BANP: variants seen among roughly 807,000 people sequenced by gnomAD.
BANP encodes the protein BTG3 associated nuclear protein, also known as protein BANP.
BANP carries 11 observed loss-of-function variants against 68.1 expected under a neutral mutation model. The observed-to-expected ratio is 0.16, with a 90% CI of 0.10 to 0.27. BANP has a LOEUF of 0.27. Among genes scored for constraint, BANP ranks in the 10% least tolerant of loss-of-function variants. The pLI, the probability that BANP is intolerant of heterozygous loss-of-function variation, is 1.00. For missense variants in BANP, 504 were observed against 722.7 expected, an observed-to-expected ratio of 0.70 and a Z score of 3.47; for synonymous variants, 329 against 303.2, an observed-to-expected ratio of 1.09 and a Z score of -0.88.
intron 11 of BANP, among the ~76,000 whole-genome samples, chr16:88,058,104 G>A (rs569275576): frequency 5.3e-5 from 8 of 150,710 alleles, no homozygotes; most frequent in Non-Finnish European, 1.2e-4. Flanking sequence ...GTGTATTTAC[G>A]AGGAATCTTT....
intron 13 of BANP, among the ~76,000 whole-genome samples, chr16:88,072,853 C>T (rs550082353): frequency 2.0e-5 from 3 of 152,310 alleles, no homozygotes; most frequent in South Asian, 2.1e-4. Context: ...CCGCAGCCTC[C>T]GTGCCACCTG....
At chr16:88,006,462 C>G (rs1171130524) in intron 6 of BANP, among the ~76,000 whole-genome samples, 197 bp downstream of exon 6, 1 of 147,088 alleles carries the variant, frequency 6.8e-6, no homozygotes, top group African/African-American at 2.5e-5. Flanking sequence ...GCCTGGCCAA[C>G]ATGGAGAAAC....
rs1255396231 is a variant in BANP at position 88,057,863 on chromosome 16, A to C, written c.1312-7404A>C. 6.6e-6 allele frequency among the ~76,000 whole-genome samples: 1 copy of C among 151,954 alleles called. No individual in the cohort carries two copies. Among genetic ancestry groups the C allele is most frequent in the Non-Finnish European group, 1.5e-5 (1 of 68,008 alleles). On this transcript the variant is annotated intron_variant, in intron 11 of 13. Transcript: ENST00000682872. This position sits in a 1 kb window ranked among gnomAD's most constrained non-coding sequence, Gnocchi z 4.6. ...CACAGTGAGGAGGTGCGGGGCACGCAGCGAGCACTTTCCGGACAGTGCGGT... is the reference window on the plus strand; with the variant it reads ...CACAGTGAGGAGGTGCGGGGCACGCCGCGAGCACTTTCCGGACAGTGCGGT...
chr16:87,974,402 A>G (rs972504694), intron 1 of BANP, among the ~76,000 whole-genome samples: 1 of 152,220 alleles, frequency 6.6e-6, no homozygotes, highest in African/African-American at 2.4e-5. Context: ...AGTTGTGGAC[A>G]GGACAGATGG....
intron 12 of BANP, among the ~76,000 whole-genome samples, chr16:88,067,999 C>A (rs1883872701): frequency 6.6e-6 from 1 of 152,202 alleles, no homozygotes; most frequent in South Asian, 2.1e-4. Context: ...CTCCTTGTGT[C>A]GTCAGTCCGT....
intron 2 of BANP, among the ~76,000 whole-genome samples, chr16:87,980,315 T>G (rs2063006493): frequency 6.6e-6 from 1 of 152,246 alleles, no homozygotes; most frequent in African/African-American, 2.4e-5. Flanking sequence ...TTTGCAGAGA[T>G]GAGGCAATTG....
intron 4 of BANP, among the ~76,000 whole-genome samples, chr16:87,998,631 C>G (rs1337307801): frequency 2.0e-5 from 3 of 147,854 alleles, no homozygotes; most frequent in African/African-American, 7.5e-5. Context: ...CGCGGCTGTA[C>G]TTACCTGTCC....
rs1426965742 is a variant in BANP, at chr16:88,002,943, C to T, written c.363-1352C>T. ...TGTGAGCCTAGGATCCCGGGGACAC[C>T]AGCCTTCCCACATGCTGTGAGCCTA... On this transcript the variant is annotated intron_variant, in intron 4 of 13. Transcript: ENST00000682872. This position sits in a 1 kb window ranked among gnomAD's most constrained non-coding sequence, Gnocchi z 4.6. Among the ~76,000 whole-genome samples the T allele has an allele frequency of 1.3e-5, 2 of 151,994 alleles. No homozygotes were observed. The highest frequency in any genetic ancestry group is 2.4e-5 in the African/African-American group (1 of 41,380).
Position 88,018,970 on chromosome 16 carries a change from AAGAG to A in BANP, c.895+308_895+311del, listed in dbSNP as rs889304419. 6.6e-6 allele frequency among the ~76,000 whole-genome samples: 1 copy of A among 152,134 alleles called. No homozygotes were observed. Among genetic ancestry groups the A allele is most frequent in the Non-Finnish European group, 1.5e-5 (1 of 68,004 alleles). On this transcript the variant is annotated intron_variant, in intron 7 of 13. Coordinates refer to ENST00000682872, the MANE Select transcript of BANP (RefSeq NM_001386991.1). This position sits in a 1 kb window ranked among gnomAD's most constrained non-coding sequence, Gnocchi z 7.7. ...TCCTGTCTGTAGGCCACTCTTGAGG[AAGAG>A]AGAGGAGGAGGAGAGCCGGGGCCTT...
intron 11 of BANP, among the ~76,000 whole-genome samples, chr16:88,058,346 G>A (rs971622979): frequency 6.6e-5 from 10 of 152,210 alleles, no homozygotes; most frequent in East Asian, 1.9e-4. Flanking sequence ...GGGCCGGGAC[G>A]TGCTGATGTC....
At chr16:87,950,310 A>G (rs1166705127), upstream of BANP, 1 of 152,248 alleles carries the variant, frequency 6.6e-6, no homozygotes, top group Non-Finnish European at 1.5e-5. Context: ...AGGTAATCCT[A>G]GATTAGCAGA....
Position 88,065,312 on chromosome 16 carries a change from T to A in BANP, c.1357T>A (p.Phe453Ile). 1 of 770,502 alleles carries A rather than the reference T, an allele frequency of 1.3e-6. No individual in the cohort carries two copies. The highest frequency in any genetic ancestry group is 2.4e-6 in the Non-Finnish European group (1 of 417,828). 47.7% of individuals were successfully genotyped at this position (770,502 alleles called of 1,614,324 possible). A position where few individuals can be genotyped will look rare whatever the true frequency, so the allele number is the denominator to read the frequency against. ...CCCCTGCCTCCTGGCCCCATCCGTCTTCAAAGCCAGCAGTGGCCAGGTGAG... is the reference window on the plus strand; with the variant it reads ...CCCCTGCCTCCTGGCCCCATCCGTCATCAAAGCCAGCAGTGGCCAGGTGAG... Reference protein sequence around the residue: ...RIPCLLAPSVFKASSGQVLQG... With the variant: ...RIPCLLAPSVIKASSGQVLQG... Residue 453 changes from phenylalanine (F) to isoleucine (I), a missense_variant, in exon 12 of 14, where the codon TTC (phenylalanine) becomes ATC (isoleucine). Phe to Ile is a conservative substitution (Grantham distance 21). Coordinates refer to ENST00000682872, the MANE Select transcript of BANP (RefSeq NM_001386991.1).
intron 7 of BANP, among the ~76,000 whole-genome samples, chr16:88,025,803 G>A (rs1453081106): frequency 1.3e-5 from 2 of 152,272 alleles, no homozygotes; most frequent in Non-Finnish European, 2.9e-5. Context: ...AGTAGAGTCC[G>A]AACTTGAGGC....
Position 88,076,596 on chromosome 16 carries a change from G to C in BANP, c.1528G>C (p.Glu510Gln). The change falls in exon 14 of 14, where the codon GAA becomes CAA. Residue 510 changes from glutamate (E) to glutamine (Q), a missense_variant. Glu to Gln is a conservative substitution (Grantham distance 29). Transcript: ENST00000682872. ...TCCTTTCTCCCTTTTGCAGACGGCC[G>C]AAGCCCTGCAGCCCACGCTACAGCC... is the stretch of plus-strand genomic sequence containing the variant. ...SDHTAGAQTAEALQPTLQPEM... is the reference protein window; with the variant it reads ...SDHTAGAQTAQALQPTLQPEM... The C allele has an allele frequency of 1.2e-6, 2 of 1,612,466 alleles. No individual in the cohort carries two copies. The highest frequency in any genetic ancestry group is 1.7e-6 in the Non-Finnish European group (2 of 1,179,682).
At chr16:88,068,720 G>A (rs1042316029) in intron 12 of BANP, among the ~76,000 whole-genome samples, 4 of 152,100 alleles carry the variant, frequency 2.6e-5, no homozygotes, top group East Asian at 3.9e-4. Flanking sequence ...GTGGAACTGA[G>A]TGCAGAACTC....
intron 12 of BANP, among the ~76,000 whole-genome samples, chr16:88,070,088 T>C (rs2089935607): frequency 6.6e-6 from 1 of 152,226 alleles, no homozygotes; most frequent in Non-Finnish European, 1.5e-5. Context: ...TGTGCCTTTC[T>C]GAATACCACG....
At chr16:88,034,070 C>T (rs1410484999) in intron 9 of BANP, among the ~76,000 whole-genome samples, 4 of 152,194 alleles carry the variant, frequency 2.6e-5, no homozygotes, top group African/African-American at 9.7e-5. Flanking sequence ...TGGTCCTCCA[C>T]TATTGAGAGT....
intron 12 of BANP, among the ~76,000 whole-genome samples, chr16:88,069,515 C>T (rs1171006909): frequency 1.3e-5 from 2 of 152,184 alleles, no homozygotes; most frequent in African/African-American, 4.8e-5. Context: ...GGTAATCGTG[C>T]TGCTCCGCTA....
chr16:87,987,973 A>G (rs1185154828), intron 4 of BANP, among the ~76,000 whole-genome samples: 2 of 152,218 alleles, frequency 1.3e-5, no homozygotes, highest in African/African-American at 2.4e-5. Context: ...CATGTTGTAC[A>G]GGCTGGGCAT....
Sources: gnomAD v4.1 joint callset for allele counts (sites outside exome capture counted in the v4.1 genomes callset) on GRCh38, gnomAD v4.1.1 for gene constraint, Gnocchi (gnomAD v3.1) non-coding constraint, MANE v1.5 for transcripts, NCBI Gene and HGNC (gene_info 2026-07-23, HGNC 2026-07-21) for gene names.